The following RBL1 variants were observed in gnomAD, a reference collection of about 807,000 sequenced individuals.
RBL1 encodes the protein retinoblastoma-like protein 1.
RBL1 carries 82 observed loss-of-function variants against 123.0 expected under a neutral mutation model. That is an observed-to-expected ratio of 0.67 (90% confidence interval 0.56 to 0.80). The LOEUF (loss-of-function observed/expected upper bound fraction) is 0.80. RBL1 is among the 30% of genes least tolerant of loss of function. RBL1 has a pLI of 0.00. For missense variants in RBL1, 1,171 were observed against 1,299.6 expected (o/e 0.90, Z 1.52); for synonymous variants, 405 against 441.3 (o/e 0.92, Z 1.03).
intron 11 of RBL1, among the ~76,000 whole-genome samples, chr20:37,053,922 G>T (rs959315137): frequency 1.3e-5 from 2 of 152,120 alleles, no homozygotes; most frequent in Non-Finnish European, 2.9e-5. Flanking sequence ...TAATGGCTGA[G>T]AGGAGTAAGT....
At chr20:37,057,221 GTGGTATTGCTGAGTTATA>G (rs1390351657) in intron 9 of RBL1, among the ~76,000 whole-genome samples, 2 of 152,172 alleles carry the variant, frequency 1.3e-5, no homozygotes, top group Non-Finnish European at 2.9e-5. Flanking sequence ...ATACCCAGAA[GTGGTATTGCTGAGTTATA>G]TGGTAGTTCT....
intron 2 of RBL1, among the ~76,000 whole-genome samples, chr20:37,085,768 C>T (rs917567000): frequency 6.6e-6 from 1 of 151,700 alleles, no homozygotes; most frequent in African/African-American, 2.4e-5. Flanking sequence ...ATACTCCCAC[C>T]TCAGCCTCTC....
In RBL1 at chr20:37,095,986, C is replaced by A. The variant is rs777114022; in HGVS notation, c.-58G>T. 15 of 1,365,208 alleles carry A rather than the reference C, an allele frequency of 1.1e-5. No homozygotes were observed. Among genetic ancestry groups the A allele is most frequent in the Non-Finnish European group, 1.5e-5 (15 of 1,030,518 alleles). 84.6% of individuals were successfully genotyped at this position (1,365,208 alleles called of 1,614,324 possible). Reference sequence around the variant, plus strand: ...CCCCGACTTCTTTCTCCCTCCCAGGCGCGCTACCCACAACCACCTGCGCCA... The same window carrying A: ...CCCCGACTTCTTTCTCCCTCCCAGGAGCGCTACCCACAACCACCTGCGCCA... On this transcript the variant is annotated 5_prime_UTR_variant, in exon 1 of 22. Transcript: ENST00000373664.
intron 17 of RBL1, among the ~76,000 whole-genome samples, chr20:37,022,208 T>A (rs772362627): frequency 9.1e-4 from 138 of 152,332 alleles, no homozygotes; most frequent in Non-Finnish European, 1.8e-3. Flanking sequence ...ATGAGAATTT[T>A]AAAAAACAAG....
chr20:37,013,006 G>C (rs1042579147), intron 19 of RBL1, among the ~76,000 whole-genome samples: 3 of 151,930 alleles, frequency 2.0e-5, no homozygotes, highest in East Asian at 2.0e-4. Flanking sequence ...CCGTTGGGGA[G>C]GTGAGGGGCG....
chr20:37,068,311 T>G, intron 2 of RBL1, 125 bp from the exon 3 acceptor site: 2 of 1,343,656 alleles, frequency 1.5e-6, no homozygotes, highest in Non-Finnish European at 2.0e-6. Context: ...GGCAACATAG[T>G]TAAGACCCCA....
chr20:37,086,734 T>A (rs999410586), intron 2 of RBL1, among the ~76,000 whole-genome samples: 3 of 152,190 alleles, frequency 2.0e-5, no homozygotes, highest in African/African-American at 4.8e-5. Context: ...CTAAATTTGT[T>A]TTGTTTCCTA....
intron 16 of RBL1, among the ~76,000 whole-genome samples, chr20:37,030,693 A>T (rs1002233694): frequency 1.3e-5 from 2 of 152,094 alleles, no homozygotes; most frequent in Non-Finnish European, 2.9e-5. Context: ...CGTCTCTACT[A>T]AAAATACAAA....
intron 16 of RBL1, among the ~76,000 whole-genome samples, chr20:37,029,128 G>A (rs1390859972): frequency 6.6e-6 from 1 of 152,086 alleles, no homozygotes; most frequent in East Asian, 1.9e-4. Context: ...AAGTGATACA[G>A]GAAAGCATTT....
intron 19 of RBL1, among the ~76,000 whole-genome samples, chr20:37,012,955 G>A (rs1568821696): frequency 1.3e-5 from 2 of 151,532 alleles, no homozygotes; most frequent in Admixed American, 1.3e-4. Context: ...CCCCGTCCGG[G>A]AGGGAGGTGG....
chr20:37,003,047 T>A (rs2064013481), intron 21 of RBL1, among the ~76,000 whole-genome samples: 1 of 152,156 alleles, frequency 6.6e-6, no homozygotes, highest in African/African-American at 2.4e-5. Context: ...TAGCCAACTT[T>A]GTCAAGTATA....
At position 37,067,996 on chromosome 20, in the gene RBL1, G is replaced by A. The variant is rs762685203; in HGVS notation, c.481C>T (p.Arg161Trp). The A allele has an allele frequency of 5.0e-6, 8 of 1,613,240 alleles. No homozygotes were observed. Among genetic ancestry groups the A allele is most frequent in the East Asian group, 2.2e-5 (1 of 44,830 alleles). ...YEEPPKLPRS[R>W]KQRRIPCSVK... ...GGATTAAGGGCTCACCTCTGCTTCC[G>A]GCTTCGTGGTAACTTTGGTGGTTCT... The change falls in exon 3 of 22, where the codon CGG (arginine) becomes TGG (tryptophan). Residue 161 changes from arginine to tryptophan, a missense_variant. Transcript: ENST00000373664.
chr20:37,002,981 C>T (rs2146197750), intron 21 of RBL1, among the ~76,000 whole-genome samples: 1 of 152,284 alleles, frequency 6.6e-6, no homozygotes, highest in South Asian at 2.1e-4. Context: ...GCCTTGGCCT[C>T]CCAAAGTGCT....
At position 37,095,899 on chromosome 20, in the gene RBL1, C is replaced by T; in HGVS notation, c.30G>A (p.Gly10=). 6.2e-7 allele frequency: 1 copy of T among 1,602,180 alleles called. No individual in the cohort carries two copies. The highest frequency in any genetic ancestry group is 8.5e-7 in the Non-Finnish European group (1 of 1,175,514). Residue 10 remains glycine, a synonymous_variant, in exon 1 of 22, where the codon GGG becomes GGA. Coordinates refer to ENST00000373664, the MANE Select transcript of RBL1 (RefSeq NM_002895.5). ...CCCCGGCTGCGGCGACCACCGCCGC[C>T]CCCTCAGCGTGGGGCTTGTCCTCGA... MFEDKPHAE[G]AAVVAAAGEA...
At chr20:37,074,756 C>T (rs751691522) in intron 2 of RBL1, among the ~76,000 whole-genome samples, 12 of 149,502 alleles carry the variant, frequency 8.0e-5, no homozygotes, top group South Asian at 2.1e-4. Flanking sequence ...ACCTGGGAGG[C>T]GCAGGTTGCA....
chr20:37,011,616 G>C (rs2146209559), intron 19 of RBL1, among the ~76,000 whole-genome samples: 1 of 151,862 alleles, frequency 6.6e-6, no homozygotes, highest in Non-Finnish European at 1.5e-5. Context: ...TGTATTTTTA[G>C]TAAAGATGGG....
rs1437630007 is a variant in RBL1, at chr20:37,058,133, AACAAAAC to A, written c.1251-1882_1251-1876del. On this transcript the variant is annotated intron_variant, in intron 9 of 21. Coordinates refer to ENST00000373664, the MANE Select transcript of RBL1 (RefSeq NM_002895.5). ...CTCTGTCTAAAAAAAAAAAAAACAA[AACAAAAC>A]AAAAAAAAAAAAGCCTATTCCAGGG... Among the ~76,000 whole-genome samples the A allele has an allele frequency of 4.0e-4, 56 of 140,320 alleles. 8 individuals are homozygous for A. The highest frequency in any genetic ancestry group is 2.0e-3 in the East Asian group (8 of 4,050). 92.1% of individuals were successfully genotyped at this position (140,320 alleles called of 152,430 possible).
intron 2 of RBL1, among the ~76,000 whole-genome samples, chr20:37,084,590 T>A (rs2065509555): frequency 6.6e-6 from 1 of 152,072 alleles, no homozygotes. Flanking sequence ...TCCCAGCTAC[T>A]CGGGAGGCTG....
intron 15 of RBL1, 37 bp from the exon 16 acceptor site, chr20:37,032,913 T>G: frequency 6.2e-7 from 1 of 1,609,392 alleles, no homozygotes; most frequent in Non-Finnish European, 8.5e-7. Flanking sequence ...AATCTGCATA[T>G]GTTCTAGGAA....
Sources: allele counts gnomAD v4.1 joint callset (sites outside exome capture counted in the v4.1 genomes callset), GRCh38; gene constraint gnomAD v4.1.1; transcripts MANE v1.5; gene names NCBI Gene and HGNC (gene_info 2026-07-23, HGNC 2026-07-21).